The following GRID1 variants were observed in gnomAD, a reference collection of about 807,000 sequenced individuals.
GRID1 encodes glutamate ionotropic receptor delta type subunit 1, also known as glutamate receptor ionotropic, delta-1.
In GRID1, 28 loss-of-function variants were observed where a neutral mutation model predicts 98.0. The ratio of observed to expected loss-of-function variants is 0.29; its 90% CI spans 0.21 to 0.39. GRID1 has a LOEUF of 0.39. GRID1 is among the 10% of genes least tolerant of loss of function. The probability of loss-of-function intolerance (pLI) is 1.00; values close to 1 mark genes in which losing one functional copy is unlikely to be tolerated. For synonymous variants in GRID1, 553 were observed against 538.5 expected, an observed-to-expected ratio of 1.03 and a Z score of -0.37; for missense variants, 1,111 against 1,340.5, an observed-to-expected ratio of 0.83 and a Z score of 2.67.
intron 8 of GRID1, among the ~76,000 whole-genome samples, chr10:85,811,137 A>T (rs7905814): frequency 1.3e-5 from 2 of 152,168 alleles, no homozygotes; most frequent in South Asian, 4.1e-4. Context: ...AACATCACTA[A>T]CATGGATTAC....
intron 2 of GRID1, among the ~76,000 whole-genome samples, chr10:86,331,789 C>T (rs1018496590): frequency 9.9e-5 from 15 of 152,228 alleles, no homozygotes; most frequent in Non-Finnish European, 2.1e-4. Flanking sequence ...CATACACCTA[C>T]TGCTAGTAAC....
intron 2 of GRID1, among the ~76,000 whole-genome samples, chr10:86,279,143 G>A (rs1332850227): frequency 6.6e-6 from 1 of 152,100 alleles, no homozygotes. Flanking sequence ...AGGAACCCTA[G>A]AGAGCTCTCT....
intron 4 of GRID1, among the ~76,000 whole-genome samples, chr10:85,983,423 G>T (rs1028534860): frequency 6.6e-5 from 10 of 152,166 alleles, no homozygotes; most frequent in Admixed American, 2.6e-4. Context: ...GGCTCCACCC[G>T]GCCCTGTGGT....
intron 4 of GRID1, among the ~76,000 whole-genome samples, chr10:86,128,130 A>C (rs780412481): frequency 6.6e-6 from 1 of 152,052 alleles, no homozygotes; most frequent in Non-Finnish European, 1.5e-5. Context: ...AAAGAAAAGC[A>C]TCATCGTGGC....
intron 3 of GRID1, among the ~76,000 whole-genome samples, chr10:86,152,872 A>G (rs767174930): frequency 1.3e-5 from 2 of 152,202 alleles, no homozygotes; most frequent in Non-Finnish European, 2.9e-5. Flanking sequence ...TTCTGCCTTC[A>G]CAGCTTTCCA....
intron 4 of GRID1, among the ~76,000 whole-genome samples, chr10:86,131,576 G>A (rs1480780050): frequency 6.6e-6 from 1 of 152,124 alleles, no homozygotes; most frequent in African/African-American, 2.4e-5. Flanking sequence ...TCTCTGTAAG[G>A]CTTTCAGCAC....
chr10:85,748,227 G>C (rs1842015297), intron 8 of GRID1, among the ~76,000 whole-genome samples: 1 of 152,162 alleles, frequency 6.6e-6, no homozygotes, highest in Non-Finnish European at 1.5e-5. Flanking sequence ...GAATGGAGTA[G>C]AACATTCACA....
intron 4 of GRID1, among the ~76,000 whole-genome samples, chr10:86,071,207 C>T (rs1382819378): frequency 1.3e-5 from 2 of 152,232 alleles, no homozygotes; most frequent in Admixed American, 6.5e-5. Flanking sequence ...AACCCATATC[C>T]AGCCTGTGCT....
At chr10:85,941,494 G>A (rs539942681) in intron 4 of GRID1, among the ~76,000 whole-genome samples, 1 of 152,230 alleles carries the variant, frequency 6.6e-6, no homozygotes, top group East Asian at 1.9e-4. Flanking sequence ...CTACATGGTG[G>A]GAATTCAGAT....
chr10:86,309,529 A>C (rs556860482), intron 2 of GRID1, among the ~76,000 whole-genome samples: 1 of 152,338 alleles, frequency 6.6e-6, no homozygotes, highest in South Asian at 2.1e-4. Context: ...CATTGTTTCA[A>C]CACAGTAAAG....
intron 4 of GRID1, among the ~76,000 whole-genome samples, chr10:86,035,021 C>T (rs2131895333): frequency 6.6e-6 from 1 of 152,032 alleles, no homozygotes; most frequent in East Asian, 1.9e-4. Flanking sequence ...TCACTGGGGA[C>T]TTACTAAATC....
intron 15 of GRID1, 151 bp from the exon 16 acceptor site, chr10:85,602,852 A>C: frequency 1.6e-6 from 1 of 612,280 alleles, no homozygotes; most frequent in Non-Finnish European, 2.9e-6. Flanking sequence ...CCTCCCCTCA[A>C]TTATATGGCC....
intron 5 of GRID1, among the ~76,000 whole-genome samples, chr10:85,884,896 A>C (rs1338040537): frequency 6.6e-6 from 1 of 152,194 alleles, no homozygotes; most frequent in Non-Finnish European, 1.5e-5. Flanking sequence ...TAACAACAAA[A>C]ACAAGTAGAG....
intron 5 of GRID1, among the ~76,000 whole-genome samples, chr10:85,882,593 A>C (rs1443627259): frequency 2.0e-5 from 3 of 152,138 alleles, no homozygotes; most frequent in Admixed American, 6.5e-5. Context: ...GGACACAGGA[A>C]GGGGAACATC....
intron 2 of GRID1, among the ~76,000 whole-genome samples, chr10:86,275,115 G>A (rs1847248620): frequency 6.6e-6 from 1 of 152,148 alleles, no homozygotes; most frequent in Non-Finnish European, 1.5e-5. Flanking sequence ...GTTTGTTGTT[G>A]TTGTTTTGTT....
chr10:85,831,603 C>T (rs1842867880), intron 8 of GRID1, among the ~76,000 whole-genome samples: 1 of 151,658 alleles, frequency 6.6e-6, no homozygotes, highest in African/African-American at 2.4e-5. Flanking sequence ...AAATCATTTA[C>T]AAATTTGCTG....
At chr10:85,612,319 G>A (rs560586952) in intron 15 of GRID1, among the ~76,000 whole-genome samples, 3 of 152,106 alleles carry the variant, frequency 2.0e-5, no homozygotes, top group East Asian at 1.9e-4. Flanking sequence ...AGAAGAGCCC[G>A]CCGGCTCTTA....
intron 2 of GRID1, among the ~76,000 whole-genome samples, chr10:86,360,821 C>T (rs11812354): frequency 0.011 from 1,725 of 152,268 alleles, 35 homozygotes; most frequent in African/African-American, 0.039. Flanking sequence ...GGTCACACCA[C>T]GAGTGAAGAC....
intron 8 of GRID1, among the ~76,000 whole-genome samples, chr10:85,765,530 C>T (rs545417160): frequency 6.6e-6 from 1 of 152,294 alleles, no homozygotes; most frequent in South Asian, 2.1e-4. Flanking sequence ...TCATGTAACA[C>T]ATTGCTGTCA....
Sources: allele counts gnomAD v4.1 joint callset (sites outside exome capture counted in the v4.1 genomes callset), GRCh38; gene constraint gnomAD v4.1.1; transcripts MANE v1.5; gene names NCBI Gene and HGNC (gene_info 2026-07-23, HGNC 2026-07-21).